CENPC: variants seen among roughly 807,000 people sequenced by gnomAD.
The protein encoded by CENPC is CENP-C 1.
In CENPC, 63 loss-of-function variants were observed where a neutral mutation model predicts 112.1. The ratio of observed to expected loss-of-function variants is 0.56; its 90% CI spans 0.46 to 0.69. CENPC has a LOEUF of 0.69. CENPC is among the 30% of genes least tolerant of loss of function. The pLI is 0.00. For synonymous variants in CENPC, 333 were observed against 367.6 expected (o/e 0.91, Z 1.08); for missense variants, 1,000 against 1,103.8 (o/e 0.91, Z 1.33).
intron 1 of CENPC, among the ~76,000 whole-genome samples, chr4:67,545,068 C>A (rs896948078): frequency 4.6e-5 from 7 of 151,878 alleles, no homozygotes; most frequent in South Asian, 2.1e-4. Flanking sequence ...CAAAAAAAAA[C>A]CCAGCAGAAA....
Position 67,518,368 on chromosome 4 carries a change from C to G in CENPC, c.618G>C (p.Arg206Ser). The change falls in exon 7 of 19, where the codon AGG (arginine) becomes AGC (serine). Residue 206 changes from arginine (R) to serine (S), a missense_variant and splice_region_variant. Physicochemically the swap from Arg to Ser is moderately radical, Grantham distance 110. Coordinates refer to ENST00000273853, the MANE Select transcript of CENPC (RefSeq NM_001812.4). ...STEVSVKTKKRLNFDDKVMLK... is the reference protein window; with the variant it reads ...STEVSVKTKKSLNFDDKVMLK... Reference sequence around the variant, plus strand: ...ACATAACTTTATCATCAAAGTTTAACCTAAAAGGTTAAAAGGAGGGTAAGC... The same window carrying G: ...ACATAACTTTATCATCAAAGTTTAAGCTAAAAGGTTAAAAGGAGGGTAAGC... 1 of 1,520,446 alleles carries G rather than the reference C, an allele frequency of 6.6e-7. No individual in the cohort carries two copies. Among genetic ancestry groups the G allele is most frequent in the Non-Finnish European group, 8.8e-7 (1 of 1,138,532 alleles). The allele number at this position is 1,520,446 out of a possible 1,614,324, so 94.2% of individuals were successfully genotyped here.
chr4:67,525,665 G>C (rs1030115726), intron 5 of CENPC, among the ~76,000 whole-genome samples: 1 of 152,120 alleles, frequency 6.6e-6, no homozygotes, highest in Admixed American at 6.5e-5. Flanking sequence ...AAAAAGACAA[G>C]AAACAACAGA....
intron 17 of CENPC, among the ~76,000 whole-genome samples, chr4:67,480,274 G>A (rs1174208733): frequency 2.6e-5 from 4 of 151,896 alleles, no homozygotes; most frequent in Admixed American, 1.3e-4. Context: ...AGCTGAAATC[G>A]CACCATTGCA....
chr4:67,524,433 C>T lies in CENPC; in HGVS notation c.332-4931G>A, dbSNP rs115962238. Among the ~76,000 whole-genome samples, 460 of 152,268 alleles carry T rather than the reference C, an allele frequency of 3.0e-3. 2 individuals are homozygous for T. Among genetic ancestry groups the T allele is most frequent in the African/African-American group, 0.011 (445 of 41,554 alleles). ...ATGACGTGATTGTATACTTAGAAAA[C>T]CCCATCGTTTCAGTCCCAAAACTCC... On this transcript the variant is annotated intron_variant, in intron 5 of 18. Transcript: ENST00000273853.
At chr4:67,506,672 G>T (rs1422791388) in intron 11 of CENPC, 116 bp downstream of exon 11, 6 of 855,878 alleles carry the variant, frequency 7.0e-6, no homozygotes, top group Non-Finnish European at 9.9e-6. Context: ...TAGAAACTAT[G>T]AAACAATAAG....
At chr4:67,495,070 C>T in intron 13 of CENPC, 89 bp downstream of exon 13, 2 of 1,197,508 alleles carry the variant, frequency 1.7e-6, no homozygotes, top group Non-Finnish European at 2.2e-6. Context: ...TCGTATTTCT[C>T]CTGCTTAAGA....
Position 67,514,200 on chromosome 4 carries a change from T to C in CENPC, c.1318A>G (p.Lys440Glu), listed in dbSNP as rs190294402. Residue 440 changes from lysine to glutamate, a missense_variant, in exon 8 of 19, where the codon AAA becomes GAA. Physicochemically the swap from Lys to Glu is moderately conservative, Grantham distance 56 (BLOSUM62 1). Transcript: ENST00000273853. Reference protein sequence around the residue: ...AEEQLDVGQSKDENIHTSHIT... With the variant: ...AEEQLDVGQSEDENIHTSHIT... ...TGTGATGTATGTATGTTTTCATCTT[T>C]AGACTGTCCCACATCAAGCTGTTCT... is the stretch of plus-strand genomic sequence containing the variant. The C allele has an allele frequency of 1.2e-5, 20 of 1,613,268 alleles. 1 individual carries two copies. The South Asian group carries it at 1.4e-4, about 12-fold the overall frequency.
intron 18 of CENPC, among the ~76,000 whole-genome samples, chr4:67,473,843 C>G (rs1027213485): frequency 5.3e-5 from 8 of 152,092 alleles, no homozygotes; most frequent in Non-Finnish European, 1.2e-4. Context: ...CTGCACCTGG[C>G]CCATAGTAGT....
In CENPC at chr4:67,514,470, G is replaced by A; in HGVS notation, c.1048C>T (p.His350Tyr). The A allele has an allele frequency of 6.2e-7, 1 of 1,613,550 alleles. No homozygotes were observed. The change falls in exon 8 of 19, where the codon CAT becomes TAT. Residue 350 changes from histidine (H) to tyrosine (Y), a missense_variant. Transcript: ENST00000273853. ...LLQGRKSREK[H>Y]HNILPKTLAN... is the part of the protein sequence containing the mutation. ...AAAGTCTTAGGTAATATATTATGATGCTTTTCTCTTGACTTTCTACCTTGA... is the reference window on the plus strand; with the variant it reads ...AAAGTCTTAGGTAATATATTATGATACTTTTCTCTTGACTTTCTACCTTGA...
Position 67,530,970 on chromosome 4 carries a change from G to T in CENPC, c.232-56C>A, listed in dbSNP as rs1412513581. 4 of 848,178 alleles carry T rather than the reference G, an allele frequency of 4.7e-6. No homozygotes were observed. The Admixed American group carries it at 9.9e-5, about 21-fold the overall frequency. 52.5% of individuals were successfully genotyped at this position (848,178 alleles called of 1,614,324 possible). A position where few individuals can be genotyped will look rare whatever the true frequency, so the allele number is the denominator to read the frequency against. On this transcript the variant is annotated intron_variant, in intron 4 of 18. Transcript: ENST00000273853. ...TATTTTATTAACTTACCAATTCAAT[G>T]AAATATATTTGTTTTTTAAATGGGG...
intron 12 of CENPC, among the ~76,000 whole-genome samples, chr4:67,495,764 A>G (rs985868284): frequency 9.2e-5 from 14 of 152,348 alleles, no homozygotes; most frequent in African/African-American, 3.4e-4. Context: ...GCTATTTATG[A>G]ACTATCTGTA....
chr4:67,524,731 T>A (rs1443794928), intron 5 of CENPC, among the ~76,000 whole-genome samples: 2 of 152,178 alleles, frequency 1.3e-5, no homozygotes, highest in African/African-American at 4.8e-5. Flanking sequence ...GAAGAATCAA[T>A]ATAGTGAAAA....
chr4:67,521,349 A>G (rs1307908753), intron 5 of CENPC, among the ~76,000 whole-genome samples: 1 of 152,118 alleles, frequency 6.6e-6, no homozygotes, highest in East Asian at 1.9e-4. Flanking sequence ...CAAATGAAAA[A>G]GAAACTCTCA....
At chr4:67,513,911 A>T (rs1209207501) in intron 8 of CENPC, among the ~76,000 whole-genome samples, 163 bp downstream of exon 8, 1 of 152,132 alleles carries the variant, frequency 6.6e-6, no homozygotes, top group Non-Finnish European at 1.5e-5. Context: ...TTAGAATTAA[A>T]TTATATATAA....
intron 16 of CENPC, among the ~76,000 whole-genome samples, chr4:67,491,524 G>GAC: frequency 7.0e-6 from 1 of 142,900 alleles, no homozygotes; most frequent in Non-Finnish European, 1.5e-5. Context: ...GAGAGAGAGA[G>GAC]AGAGCCTGGT....
rs191990030 is a variant in CENPC, at chr4:67,476,013, T to C, written c.2671-1035A>G. On this transcript the variant is annotated intron_variant, in intron 17 of 18. Coordinates refer to ENST00000273853, the MANE Select transcript of CENPC (RefSeq NM_001812.4). ...TACAATGGCATTTAAAAAATCGTAT[T>C]GCCTAGTGACCTCACAGCCATCATG... Among the ~76,000 whole-genome samples the C allele has an allele frequency of 1.4e-3, 220 of 152,296 alleles. 2 individuals carry two copies. The highest frequency in any genetic ancestry group is 5.1e-3 in the African/African-American group (212 of 41,578).
At position 67,524,266 on chromosome 4, in the gene CENPC, C is replaced by T. The variant is rs1027202660; in HGVS notation, c.332-4764G>A. On this transcript the variant is annotated intron_variant, in intron 5 of 18. Transcript: ENST00000273853. The stretch of plus-strand genomic sequence containing the variant: ...TAATGCTTCTGTTTGAAAACTGGCA[C>T]GAGACAAGGATGCCCTCTCTCACCA... Among the ~76,000 whole-genome samples the T allele has an allele frequency of 2.6e-5, 4 of 152,042 alleles. 1 individual carries two copies. The highest frequency in any genetic ancestry group is 2.6e-4 in the Admixed American group (4 of 15,258).
intron 4 of CENPC, among the ~76,000 whole-genome samples, chr4:67,539,330 TC>T (rs1459775882): frequency 6.6e-6 from 1 of 152,220 alleles, no homozygotes; most frequent in Non-Finnish European, 1.5e-5. Context: ...ATATGATTTT[TC>T]TAATTAGTAT....
rs1726159011 is a variant in CENPC, at chr4:67,519,441, A to G, written c.393T>C (p.Pro131=). 3 of 1,609,340 alleles carry G rather than the reference A, an allele frequency of 1.9e-6. No homozygotes were observed. Among genetic ancestry groups the G allele is most frequent in the Non-Finnish European group, 2.5e-6 (3 of 1,176,770 alleles). ...LATDVSSKNT[P]DSKKISSRNI... Reference sequence around the variant, plus strand: ...TTCTACTTGATATTTTTTTCGAGTCAGGTGTATTTTTGGAACTAACATCAG... The same window carrying G: ...TTCTACTTGATATTTTTTTCGAGTCGGGTGTATTTTTGGAACTAACATCAG... Residue 131 remains proline (P), a synonymous_variant, in exon 6 of 19, where the codon CCT becomes CCC. Coordinates refer to ENST00000273853, the MANE Select transcript of CENPC (RefSeq NM_001812.4).
Sources: allele counts gnomAD v4.1 joint callset (sites outside exome capture counted in the v4.1 genomes callset), GRCh38; gene constraint gnomAD v4.1.1; transcripts MANE v1.5; gene names NCBI Gene and HGNC (gene_info 2026-07-23, HGNC 2026-07-21).